LMF1: variants seen among roughly 807,000 people sequenced by gnomAD.
The protein encoded by LMF1 is transmembrane protein 112.
In LMF1, 68 loss-of-function variants were observed where a neutral mutation model predicts 60.6. That is an observed-to-expected ratio of 1.12 (90% confidence interval 0.92 to 1.37). The LOEUF is 1.37. Ranked by LOEUF, LMF1 falls within the 40% of genes most tolerant of loss-of-function variation. The pLI is 0.00. For synonymous variants in LMF1, 418 were observed against 324.7 expected (o/e 1.29, Z -3.09); for missense variants, 948 against 767.2 (o/e 1.24, Z -2.78).
At chr16:859,891 G>T (rs1389369560) in intron 10 of LMF1, among the ~76,000 whole-genome samples, 2 of 140,368 alleles carry the variant, frequency 1.4e-5, no homozygotes, top group Admixed American at 1.4e-4. Context: ...TGTGAGTGGT[G>T]TCTCGGGATG....
chr16:932,253 G>C (rs2071810525), intron 3 of LMF1, among the ~76,000 whole-genome samples: 1 of 152,220 alleles, frequency 6.6e-6, no homozygotes, highest in Non-Finnish European at 1.5e-5. Flanking sequence ...TGGGCTCCAG[G>C]CCCTCTCATC....
At chr16:964,621 T>C (rs559476067) in intron 1 of LMF1, among the ~76,000 whole-genome samples, 8 of 152,236 alleles carry the variant, frequency 5.3e-5, no homozygotes, top group South Asian at 2.1e-4. Flanking sequence ...TCATTTCCCA[T>C]GAGCTCTTAG....
At position 854,725 on chromosome 16, in the gene LMF1, C is replaced by T; in HGVS notation, c.1530-19G>A. On this transcript the variant is annotated intron_variant, in intron 10 of 10. Transcript: ENST00000262301. Reference sequence around the variant, plus strand: ...GACCCACCTGCAAGGGGGCACATGTCAGCCCAGGGCCTGCTGGGACTCCCG... The same window carrying T: ...GACCCACCTGCAAGGGGGCACATGTTAGCCCAGGGCCTGCTGGGACTCCCG... 6.4e-7 allele frequency: 1 copy of T among 1,569,280 alleles called. No individual in the cohort carries two copies. The highest frequency in any genetic ancestry group is 8.6e-7 in the Non-Finnish European group (1 of 1,164,258).
At chr16:860,909 C>T (rs747739919) in intron 10 of LMF1, among the ~76,000 whole-genome samples, 11 of 152,110 alleles carry the variant, frequency 7.2e-5, no homozygotes, top group Admixed American at 1.3e-4. Flanking sequence ...TAGATTGATT[C>T]GTTCCACCTT....
chr16:927,290 C>T (rs2071638000), intron 3 of LMF1, among the ~76,000 whole-genome samples: 2 of 152,320 alleles, frequency 1.3e-5, no homozygotes, highest in South Asian at 2.1e-4. Context: ...CACGACCAGA[C>T]ACTGAGACCA....
At chr16:933,549 C>T (rs546165433) in intron 3 of LMF1, 93 of 176,230 alleles carry the variant, frequency 5.3e-4, no homozygotes, top group Non-Finnish European at 9.2e-4. Context: ...AGCCTGAGTG[C>T]GAGGCCCAGG....
intron 2 of LMF1, 69 bp from the exon 3 acceptor site, chr16:934,323 C>A: frequency 1.3e-6 from 2 of 1,587,222 alleles, no homozygotes; most frequent in Non-Finnish European, 1.7e-6. Flanking sequence ...ACTGTTTCCC[C>A]ACTGAGTGAA....
intron 3 of LMF1, among the ~76,000 whole-genome samples, chr16:926,712 C>T (rs1474261346): frequency 6.6e-6 from 1 of 152,230 alleles, no homozygotes; most frequent in East Asian, 1.9e-4. Context: ...GGCCCACACC[C>T]TAAGGGGTCC....
Position 871,287 on chromosome 16 carries a change from G to A in LMF1, c.952C>T (p.Pro318Ser), listed in dbSNP as rs2069783412. 6.2e-7 allele frequency: 1 copy of A among 1,612,598 alleles called. No individual in the cohort carries two copies. The highest frequency in any genetic ancestry group is 8.5e-7 in the Non-Finnish European group (1 of 1,179,828). The change falls in exon 7 of 11, where the codon CCC becomes TCC. Residue 318 changes from proline to serine, a missense_variant. Physicochemically the swap from Pro to Ser is moderately conservative, Grantham distance 74 (BLOSUM62 -1). Transcript: ENST00000262301. ...LSFLNWLTMV[P>S]SLACFDDATL... ...GCGTCATCAAAGCAGGCCAGGCTGG[G>A]CACCATAGTCAGCCAGTTCAGGAAG...
intron 4 of LMF1, chr16:901,265 T>C (rs2070804714): frequency 6.6e-6 from 1 of 151,760 alleles, no homozygotes; most frequent in Non-Finnish European, 1.5e-5. Flanking sequence ...CACAGCCCAG[T>C]TCATCAGGAG....
chr16:925,119 C>A (rs934216151), intron 3 of LMF1, among the ~76,000 whole-genome samples: 2 of 152,216 alleles, frequency 1.3e-5, no homozygotes, highest in Non-Finnish European at 2.9e-5. Flanking sequence ...CCCTCTTCAG[C>A]CACACAGGAA....
chr16:930,640 C>T (rs1184565265), intron 3 of LMF1, among the ~76,000 whole-genome samples: 1 of 152,248 alleles, frequency 6.6e-6, no homozygotes, highest in Non-Finnish European at 1.5e-5. Context: ...GTGCGGACTT[C>T]CCGGCCAGCG....
At chr16:863,822 C>G (rs1222383194) in intron 10 of LMF1, among the ~76,000 whole-genome samples, 1 of 152,186 alleles carries the variant, frequency 6.6e-6, no homozygotes, top group Admixed American at 6.5e-5. Flanking sequence ...GATTTGAGAT[C>G]CTTCCTCTTT....
chr16:909,636 T>A (rs1327308878), intron 4 of LMF1, among the ~76,000 whole-genome samples: 3 of 152,232 alleles, frequency 2.0e-5, no homozygotes, highest in Non-Finnish European at 2.9e-5. Context: ...TCATGCTACA[T>A]GATACCCCAA....
chr16:855,712 C>A (rs1319096825), intron 10 of LMF1: 1 of 455,898 alleles, frequency 2.2e-6, no homozygotes, highest in African/African-American at 2.0e-5. Flanking sequence ...GATGGTGCAG[C>A]CATAACAGGA....
At chr16:882,515 T>G (rs1174742055) in intron 5 of LMF1, among the ~76,000 whole-genome samples, 1 of 152,236 alleles carries the variant, frequency 6.6e-6, no homozygotes, top group African/African-American at 2.4e-5. Context: ...AAGTGAAGCC[T>G]TCCTGGACCT....
intron 5 of LMF1, 76 bp downstream of exon 5, chr16:892,931 A>G: frequency 8.6e-7 from 1 of 1,169,068 alleles, no homozygotes; most frequent in African/African-American, 1.5e-5. Context: ...GGTGTGCAGG[A>G]CTGAGCCCCG....
intron 3 of LMF1, among the ~76,000 whole-genome samples, chr16:918,278 C>A (rs528750089): frequency 2.0e-5 from 3 of 152,174 alleles, no homozygotes; most frequent in South Asian, 2.1e-4. Context: ...GCGGCTTGTT[C>A]GTACTTGGTT....
At chr16:977,589 C>A (rs1056365211) in intron 1 of LMF1, among the ~76,000 whole-genome samples, 80 of 151,734 alleles carry the variant, frequency 5.3e-4, no homozygotes, top group Admixed American at 7.9e-4. Context: ...CGGCTGCCAG[C>A]GGGTTCACGC....
Sources: gnomAD v4.1 joint callset for allele counts (sites outside exome capture counted in the v4.1 genomes callset) on GRCh38, gnomAD v4.1.1 for gene constraint, MANE v1.5 for transcripts, NCBI Gene and HGNC (gene_info 2026-07-23, HGNC 2026-07-21) for gene names.